CDH9: variants seen among roughly 807,000 people sequenced by gnomAD.
The protein encoded by CDH9 is cadherin-9.
In CDH9, 28 loss-of-function variants were observed where a neutral mutation model predicts 70.9. That is an observed-to-expected ratio of 0.40 (90% CI 0.29 to 0.54). CDH9 has a LOEUF of 0.54. Ranked by LOEUF, CDH9 falls within the 20% of genes least tolerant of loss-of-function variation. The pLI, the probability that CDH9 is intolerant of heterozygous loss-of-function variation, is 0.59. For synonymous variants in CDH9, 409 were observed against 343.1 expected (o/e 1.19, Z -2.12); for missense variants, 874 against 984.4 (o/e 0.89, Z 1.50).
chr5:26,923,419 A>G (rs1220214807), intron 2 of CDH9, among the ~76,000 whole-genome samples: 1 of 152,040 alleles, frequency 6.6e-6, no homozygotes, highest in Non-Finnish European at 1.5e-5. Context: ...ACCTATATAT[A>G]CAAAGCAAAC....
intron 1 of CDH9, among the ~76,000 whole-genome samples, chr5:27,010,534 C>T (rs549782142): frequency 6.6e-5 from 10 of 152,190 alleles, no homozygotes; most frequent in African/African-American, 2.4e-4. Context: ...AAAATACAGC[C>T]ATAGTGACAA....
rs1318035981 is a variant in CDH9 at position 26,880,894 on chromosome 5, T to C, written c.*242A>G. 1.5e-5 allele frequency: 5 copies of C among 338,402 alleles called. No homozygotes were observed. Among genetic ancestry groups the C allele is most frequent in the Non-Finnish European group, 2.7e-5 (5 of 187,122 alleles). 21.0% of individuals were successfully genotyped at this position (338,402 alleles called of 1,614,324 possible). A position where few individuals can be genotyped will look rare whatever the true frequency, so the allele number is the denominator to read the frequency against. On this transcript the variant is annotated 3_prime_UTR_variant, in exon 12 of 12. Coordinates refer to ENST00000231021, the MANE Select transcript of CDH9 (RefSeq NM_016279.4). ...ATTTTTATTGATTATTGATGTGATATATTTTCCTTCCGAGATTGTTAGGCA... is the reference window on the plus strand; with the variant it reads ...ATTTTTATTGATTATTGATGTGATACATTTTCCTTCCGAGATTGTTAGGCA...
chr5:26,896,231 C>A (rs1490016129), intron 7 of CDH9, among the ~76,000 whole-genome samples: 1 of 151,782 alleles, frequency 6.6e-6, no homozygotes, highest in African/African-American at 2.4e-5. Context: ...CACTGGGAAG[C>A]AAGTTTGCAA....
chr5:27,005,938 G>A (rs1742857949), intron 1 of CDH9, among the ~76,000 whole-genome samples: 1 of 152,024 alleles, frequency 6.6e-6, no homozygotes, highest in South Asian at 2.1e-4. Flanking sequence ...AATATCACAT[G>A]TTGTCACTTA....
At chr5:27,035,703 T>A (rs369472666) in intron 1 of CDH9, among the ~76,000 whole-genome samples, 1 of 132,680 alleles carries the variant, frequency 7.5e-6, no homozygotes, top group East Asian at 2.1e-4. Flanking sequence ...TGTGTGTGTG[T>A]GTGTGTGGGT....
chr5:26,926,194 C>T (rs531649325), intron 2 of CDH9, among the ~76,000 whole-genome samples: 1 of 152,202 alleles, frequency 6.6e-6, no homozygotes, highest in South Asian at 2.1e-4. Context: ...TAGAAAACCC[C>T]ATCGTCTCAG....
intron 2 of CDH9, among the ~76,000 whole-genome samples, chr5:26,979,677 A>G (rs1269376638): frequency 6.6e-6 from 1 of 151,842 alleles, no homozygotes; most frequent in Non-Finnish European, 1.5e-5. Context: ...TTATACAGAA[A>G]GGCTGAGAGC....
intron 2 of CDH9, among the ~76,000 whole-genome samples, chr5:26,931,101 A>T (rs886389663): frequency 3.3e-5 from 5 of 152,176 alleles, no homozygotes; most frequent in Non-Finnish European, 5.9e-5. Flanking sequence ...AACCTGGACA[A>T]AATATGTAAA....
At chr5:27,017,199 A>G (rs1376710001) in intron 1 of CDH9, among the ~76,000 whole-genome samples, 1 of 151,962 alleles carries the variant, frequency 6.6e-6, no homozygotes, top group African/African-American at 2.4e-5. Context: ...CTCTTCAGGT[A>G]CATTGAGAAT....
At chr5:26,963,543 A>G (rs903455718) in intron 2 of CDH9, among the ~76,000 whole-genome samples, 3 of 152,104 alleles carry the variant, frequency 2.0e-5, no homozygotes, top group Non-Finnish European at 2.9e-5. Context: ...AAATGAATAC[A>G]TAAGTGAGTA....
chr5:26,988,568 T>C (rs1287414003), intron 1 of CDH9, among the ~76,000 whole-genome samples, 186 bp from the exon 2 acceptor site: 1 of 151,938 alleles, frequency 6.6e-6, no homozygotes, highest in African/African-American at 2.4e-5. Context: ...GAAAGACATA[T>C]ACAACTCAAG....
chr5:26,948,218 G>A (rs1039727556), intron 2 of CDH9, among the ~76,000 whole-genome samples: 7 of 152,292 alleles, frequency 4.6e-5, no homozygotes, highest in South Asian at 2.1e-4. Flanking sequence ...ACAACAACAC[G>A]GAGATGACAG....
chr5:26,887,829 G>A (rs1740590675), intron 9 of CDH9, among the ~76,000 whole-genome samples: 1 of 152,114 alleles, frequency 6.6e-6, no homozygotes, highest in Non-Finnish European at 1.5e-5. Context: ...GACAGAGATT[G>A]GAGTAATTGG....
intron 2 of CDH9, among the ~76,000 whole-genome samples, chr5:26,926,924 C>CCCCT (rs745936783): frequency 2.7e-5 from 4 of 147,668 alleles, no homozygotes; most frequent in African/African-American, 5.0e-5. Flanking sequence ...ACAGCCCCCC[C>CCCCT]CCGCAAAAAA....
intron 2 of CDH9, among the ~76,000 whole-genome samples, chr5:26,931,696 G>A (rs1222972221): frequency 2.0e-5 from 3 of 152,062 alleles, no homozygotes; most frequent in East Asian, 3.9e-4. Context: ...CTACACTTAG[G>A]AAGTACCAGA....
chr5:26,893,848 A>AT (rs1331772490), intron 7 of CDH9, among the ~76,000 whole-genome samples: 3 of 152,042 alleles, frequency 2.0e-5, no homozygotes, highest in Non-Finnish European at 4.4e-5. Flanking sequence ...TTAAACCTCT[A>AT]TTTCCAGTTG....
At position 26,969,091 on chromosome 5, in the gene CDH9, T is replaced by C. The variant is rs1444281317; in HGVS notation, c.228+19015A>G. On this transcript the variant is annotated intron_variant, in intron 2 of 11. Transcript: ENST00000231021. The stretch of plus-strand genomic sequence containing the variant: ...TCATTTATGTAGTTCTATATATTCA[T>C]TTTCCACAGTGAAGAAATTTTTCAT... 2.0e-5 allele frequency among the ~76,000 whole-genome samples: 3 copies of C among 152,308 alleles called. No individual in the cohort carries two copies. The South Asian group carries it at 6.2e-4, about 32-fold the overall frequency.
chr5:26,992,863 G>A (rs1046246049), intron 1 of CDH9, among the ~76,000 whole-genome samples: 8 of 152,126 alleles, frequency 5.3e-5, no homozygotes, highest in African/African-American at 1.9e-4. Flanking sequence ...TTAGAAGGCC[G>A]AGGCGGGCGG....
At position 26,881,418 on chromosome 5, in the gene CDH9, A is replaced by T. The variant is rs773489615; in HGVS notation, c.2088T>A (p.Thr696=). 2 of 1,613,070 alleles carry T rather than the reference A, an allele frequency of 1.2e-6. No homozygotes were observed. The highest frequency in any genetic ancestry group is 1.7e-6 in the Non-Finnish European group (2 of 1,179,126). Residue 696 remains threonine (T), a synonymous_variant, in exon 12 of 12, where the codon ACT becomes ACA. Coordinates refer to ENST00000231021, the MANE Select transcript of CDH9 (RefSeq NM_016279.4). The part of the protein sequence containing the change: ...SKLRRDVMPE[T]IFQIRRTVPL... ...GCACAGTCCTCCTTATCTGAAAAATAGTTTCAGGCATTACATCCCGTCTAA... is the reference window on the plus strand; with the variant it reads ...GCACAGTCCTCCTTATCTGAAAAATTGTTTCAGGCATTACATCCCGTCTAA...
Sources: gnomAD v4.1 joint callset for allele counts (sites outside exome capture counted in the v4.1 genomes callset) on GRCh38, gnomAD v4.1.1 for gene constraint, MANE v1.5 for transcripts, NCBI Gene and HGNC (gene_info 2026-07-23, HGNC 2026-07-21) for gene names.